MYO1D: variants seen among roughly 807,000 people sequenced by gnomAD.
The protein encoded by MYO1D is unconventional myosin-Id.
Under a neutral mutation model 122.0 loss-of-function variants are expected in MYO1D, and 83 were observed. That is an observed-to-expected ratio of 0.68 (90% CI 0.57 to 0.82). The LOEUF (loss-of-function observed/expected upper bound fraction) is 0.82. Among genes scored for constraint, MYO1D ranks in the 40% least tolerant of loss-of-function variants. The pLI is 0.00. For missense variants in MYO1D, 1,157 were observed against 1,269.5 expected (o/e 0.91, Z 1.35); for synonymous variants, 464 against 446.9 (o/e 1.04, Z -0.48).
intron 21 of MYO1D, among the ~76,000 whole-genome samples, chr17:32,548,084 C>G (rs1011357999): frequency 1.1e-4 from 17 of 152,090 alleles, no homozygotes; most frequent in African/African-American, 4.1e-4. Flanking sequence ...CCCTTTCTTT[C>G]TGGGTTTGTC....
At chr17:32,778,356 C>A in intron 3 of MYO1D, 124 bp downstream of exon 3, 1 of 713,614 alleles carries the variant, frequency 1.4e-6, no homozygotes, top group South Asian at 2.4e-5. Context: ...GCTTAATCAT[C>A]AAAAAATGCT....
intron 21 of MYO1D, among the ~76,000 whole-genome samples, chr17:32,546,907 AC>A (rs1338933762): frequency 7.1e-5 from 9 of 126,488 alleles, no homozygotes; most frequent in Admixed American, 4.5e-4. Context: ...AAAAATAAGA[AC>A]CTTTTTTTTT....
rs2088520747 is a variant in MYO1D, at chr17:32,659,246, CG to C, written c.2213del (p.Ser738CysfsTer23). 6.2e-7 allele frequency: 1 copy of C among 1,614,078 alleles called. No individual in the cohort carries two copies. Among genetic ancestry groups the C allele is most frequent in the Admixed American group, 1.7e-5 (1 of 59,998 alleles). ...IRYYRRYKVKSYIHEVARRFH... is the reference protein window; with the variant it reads ...IRYYRRYKVKXYIHEVARRFH... ...AGCGTCTGGCCACCTCGTGGATGTA[CG>C]ACTTCACTTTGTAGCGCCGGTAGTA... On this transcript the variant is annotated frameshift_variant, in exon 17 of 22. Coordinates refer to ENST00000318217, the MANE Select transcript of MYO1D (RefSeq NM_015194.3). LOFTEE classifies it high-confidence loss of function.
intron 1 of MYO1D, among the ~76,000 whole-genome samples, chr17:32,861,068 CT>C (rs1205679858): frequency 2.9e-3 from 393 of 135,666 alleles, no homozygotes; most frequent in Admixed American, 3.0e-3. Context: ...GGTGTTTATT[CT>C]TTTTTTTTTT....
At chr17:32,704,582 G>C (rs1228623523) in intron 16 of MYO1D, among the ~76,000 whole-genome samples, 1 of 152,164 alleles carries the variant, frequency 6.6e-6, no homozygotes, top group Non-Finnish European at 1.5e-5. Flanking sequence ...AAATAATCAA[G>C]GATATTTAGA....
chr17:32,860,489 T>G (rs1390597825), intron 1 of MYO1D, among the ~76,000 whole-genome samples: 3 of 152,230 alleles, frequency 2.0e-5, no homozygotes, highest in African/African-American at 7.2e-5. Flanking sequence ...GACCTCCATC[T>G]TTCTCACACC....
At chr17:32,522,966 G>A (rs909899011) in intron 21 of MYO1D, among the ~76,000 whole-genome samples, 10 of 152,120 alleles carry the variant, frequency 6.6e-5, no homozygotes, top group Admixed American at 2.0e-4. Context: ...ACAGGTGCCT[G>A]CCACCATGCC....
chr17:32,720,022 A>T (rs1478021449), intron 15 of MYO1D, among the ~76,000 whole-genome samples: 1 of 152,088 alleles, frequency 6.6e-6, no homozygotes, highest in African/African-American at 2.4e-5. Flanking sequence ...TCAGCTCCTT[A>T]GAGACTCTTT....
At chr17:32,828,464 A>G (rs9893109) in intron 1 of MYO1D, among the ~76,000 whole-genome samples, 5,690 of 146,170 alleles carry the variant, frequency 0.039, 357 homozygotes, top group African/African-American at 0.13. Flanking sequence ...TGCAGTGAGC[A>G]GAGATCGCAC....
chr17:32,786,124 G>A (rs2090291454), intron 1 of MYO1D, among the ~76,000 whole-genome samples: 1 of 152,192 alleles, frequency 6.6e-6, no homozygotes, highest in Non-Finnish European at 1.5e-5. Context: ...CAGTTCCTGA[G>A]TAGCCAAACC....
chr17:32,847,397 C>G (rs186652222), intron 1 of MYO1D, among the ~76,000 whole-genome samples: 1 of 152,314 alleles, frequency 6.6e-6, no homozygotes, highest in East Asian at 1.9e-4. Context: ...TGGCCCTAAG[C>G]AGAAAGACAG....
At chr17:32,543,117 T>G (rs1910894523) in intron 21 of MYO1D, among the ~76,000 whole-genome samples, 1 of 149,962 alleles carries the variant, frequency 6.7e-6, no homozygotes. Flanking sequence ...TCCCAGCTAC[T>G]CGGGAGGCTG....
chr17:32,844,284 TATC>T lies in MYO1D; in HGVS notation c.95+32491_95+32493del, dbSNP rs969298113. 6.7e-4 allele frequency among the ~76,000 whole-genome samples: 99 copies of T among 146,898 alleles called. 1 individual carries two copies. The highest frequency in any genetic ancestry group is 2.2e-3 in the African/African-American group (88 of 40,312). On this transcript the variant is annotated intron_variant, in intron 1 of 21. Coordinates refer to ENST00000318217, the MANE Select transcript of MYO1D (RefSeq NM_015194.3). ...ATGTATATATCATATATGATATATA[TATC>T]ATATGTATATATTATAATATGCATA...
intron 21 of MYO1D, among the ~76,000 whole-genome samples, chr17:32,508,897 G>A (rs918661891): frequency 2.0e-5 from 3 of 152,222 alleles, no homozygotes; most frequent in Admixed American, 2.0e-4. Flanking sequence ...GTGATGAGCT[G>A]AGCACTTTCA....
chr17:32,811,165 A>C (rs1268433834), intron 1 of MYO1D, among the ~76,000 whole-genome samples: 3 of 152,206 alleles, frequency 2.0e-5, no homozygotes, highest in African/African-American at 7.2e-5. Flanking sequence ...GGGCATCTAC[A>C]TTTCCAGTTC....
At chr17:32,653,767 T>C (rs1056585137) in intron 19 of MYO1D, 76 bp downstream of exon 19, 3 of 1,267,552 alleles carry the variant, frequency 2.4e-6, no homozygotes, top group Non-Finnish European at 2.3e-6. Flanking sequence ...TTATGTTTTA[T>C]TACAGGCTTG....
At chr17:32,851,757 T>C (rs1182052547) in intron 1 of MYO1D, among the ~76,000 whole-genome samples, 1 of 130,560 alleles carries the variant, frequency 7.7e-6, no homozygotes, top group African/African-American at 2.6e-5. Context: ...TCATAAGGAG[T>C]GTGCACACGC....
At chr17:32,813,467 G>A (rs1444188439) in intron 1 of MYO1D, among the ~76,000 whole-genome samples, 1 of 152,214 alleles carries the variant, frequency 6.6e-6, no homozygotes, top group Non-Finnish European at 1.5e-5. Context: ...TAAAGAATGG[G>A]TAGGAATTAT....
intron 1 of MYO1D, among the ~76,000 whole-genome samples, chr17:32,847,694 T>C (rs1274108410): frequency 6.6e-6 from 1 of 152,122 alleles, no homozygotes; most frequent in Admixed American, 6.5e-5. Flanking sequence ...TTTGTATTTT[T>C]AGTAGAGACA....
Sources: gnomAD v4.1 joint callset for allele counts (sites outside exome capture counted in the v4.1 genomes callset) on GRCh38, gnomAD v4.1.1 for gene constraint, MANE v1.5 for transcripts, NCBI Gene and HGNC (gene_info 2026-07-23, HGNC 2026-07-21) for gene names.